Variants in LILRB4 observed in about 807,000 individuals in gnomAD.
The protein encoded by LILRB4 is leukocyte immunoglobulin like receptor B4.
LILRB4 carries 49 observed loss-of-function variants against 55.2 expected under a neutral mutation model. The observed-to-expected ratio is 0.89, with a 90% CI of 0.71 to 1.13. The LOEUF (loss-of-function observed/expected upper bound fraction) is 1.13. LILRB4 is among the 50% of genes most tolerant of loss of function. LILRB4 has a pLI of 0.00. For missense variants in LILRB4, 590 were observed against 555.2 expected, an observed-to-expected ratio of 1.06 and a Z score of -0.63; for synonymous variants, 229 against 213.8, an observed-to-expected ratio of 1.07 and a Z score of -0.62.
chr19:54,665,458 G>A lies in LILRB4; in HGVS notation c.757+278G>A, dbSNP rs1054905319. Among the ~76,000 whole-genome samples, 2 of 152,070 alleles carry A rather than the reference G, an allele frequency of 1.3e-5. No homozygotes were observed. Among genetic ancestry groups the A allele is most frequent in the Non-Finnish European group, 2.9e-5 (2 of 67,996 alleles). ...GTCCGGTCCCACCTGCAGCAGAGAC[G>A]GTGACCTGGGGCAGGGGAGGGGAGC... On this transcript the variant is annotated intron_variant, in intron 6 of 11. Coordinates refer to ENST00000430952, the Ensembl canonical transcript of LILRB4. This position sits in a 1 kb window ranked among gnomAD's most constrained non-coding sequence, Gnocchi z 5.5.
intron 2 of LILRB4, 52 bp from the exon 3 acceptor site, chr19:54,663,702 G>A: frequency 6.2e-7 from 1 of 1,609,720 alleles, no homozygotes; most frequent in South Asian, 1.1e-5. Context: ...CTGAGAGCTG[G>A]GATCTGAGGG....
chr19:54,663,682 G>A (rs548352811), intron 2 of LILRB4, 72 bp from the exon 3 acceptor site: 9 of 1,607,926 alleles, frequency 5.6e-6, no homozygotes, highest in South Asian at 1.1e-5. Context: ...ATGACGGGGG[G>A]GTCCTGGGGC....
At chr19:54,667,851 C>A in intron 11 of LILRB4, 22 bp from the exon 12 acceptor site, 1 of 1,611,516 alleles carries the variant, frequency 6.2e-7, no homozygotes. Context: ...CGTTCCTTCC[C>A]TCTCACTCTC....
rs367833861 is a variant in LILRB4, at chr19:54,665,808, G to A, written c.758-7G>A. Reference sequence around the variant, plus strand: ...TCATCCCCATTCCTGATGTCATCACGCCCAAGGTCTGAGAAGGCACTGGGA... The same window carrying A: ...TCATCCCCATTCCTGATGTCATCACACCCAAGGTCTGAGAAGGCACTGGGA... On this transcript the variant is annotated splice_polypyrimidine_tract_variant and splice_region_variant and intron_variant, in intron 6 of 11. Coordinates refer to ENST00000430952, the Ensembl canonical transcript of LILRB4. This position sits in a 1 kb window ranked among gnomAD's most constrained non-coding sequence, Gnocchi z 5.5. 182 of 1,596,738 alleles carry A rather than the reference G, an allele frequency of 1.1e-4. No individual in the cohort carries two copies. The highest frequency in any genetic ancestry group is 1.5e-4 in the Non-Finnish European group (174 of 1,171,848).
Position 54,663,531 on chromosome 19 carries a change from G to A in LILRB4, c.35-1G>A. 6.2e-7 allele frequency: 1 copy of A among 1,613,138 alleles called. No individual in the cohort carries two copies. Among genetic ancestry groups the A allele is most frequent in the Non-Finnish European group, 8.5e-7 (1 of 1,179,938 alleles). ...ATCCCTCACAGGGAACTCTCTTCCA[G>A]GGCTGAGTCTGGGCCCCAGGACCCA... On this transcript the variant is annotated splice_acceptor_variant, in intron 1 of 11. Coordinates refer to ENST00000430952, the Ensembl canonical transcript of LILRB4. LOFTEE classifies it high-confidence loss of function.
intron 10 of LILRB4, chr19:54,667,187 T>C: frequency 1.8e-6 from 1 of 553,558 alleles, no homozygotes; most frequent in South Asian, 1.5e-5. Flanking sequence ...AAAATGCAAA[T>C]AAATGCATCG....
At position 54,663,897 on chromosome 19, in the gene LILRB4, CAG is replaced by C. The variant is rs2065135075; in HGVS notation, c.216_217del (p.Asn73ProfsTer38). On this transcript the variant is annotated frameshift_variant, in exon 3 of 12. Coordinates refer to ENST00000430952, the Ensembl canonical transcript of LILRB4. LOFTEE classifies it high-confidence loss of function. ...GGAAAGCCCAGCACCCTGGGACAGA[CAG>C]AACCCACTGGAGCCCAAGAACAAGG... is the stretch of plus-strand genomic sequence containing the variant. 23 of 1,614,162 alleles carry C rather than the reference CAG, an allele frequency of 1.4e-5. No individual in the cohort carries two copies. The highest frequency in any genetic ancestry group is 1.9e-5 in the Non-Finnish European group (23 of 1,180,012).
chr19:54,664,837 G>A lies in LILRB4; in HGVS notation c.694G>A (p.Val232Ile), dbSNP rs778903434. 2.7e-5 allele frequency: 43 copies of A among 1,611,410 alleles called. No homozygotes were observed. In the East Asian group the frequency reaches 3.1e-4, roughly 12 times the overall value. Residue 232 changes from valine to isoleucine, a missense_variant, in exon 5 of 12, where the codon GTC (valine) becomes ATC (isoleucine). Val to Ile is a conservative substitution (Grantham distance 29). Transcript: ENST00000430952. ...TCCCAGGCCCTCACCCACAAGGTCC[G>A]TCTCAACAGCTGGTGAGTCTCAGAG...
exon 4 of LILRB4, chr19:54,664,383 G>A (rs775568791): frequency 1.9e-6 from 3 of 1,613,682 alleles, no homozygotes; most frequent in Non-Finnish European, 2.5e-6. Flanking sequence ...CATGAGTCCT[G>A]TGACCTCAGT....
chr19:54,663,100 G>C (rs761890769), intron 1 of LILRB4, 33 bp downstream of exon 1: 2 of 1,595,636 alleles, frequency 1.3e-6, no homozygotes, highest in Non-Finnish European at 1.7e-6. Flanking sequence ...GGAGACCCGA[G>C]TCTTGGAGGA....
exon 3 of LILRB4, chr19:54,663,977 T>C: frequency 6.2e-7 from 1 of 1,614,070 alleles, no homozygotes; most frequent in East Asian, 2.2e-5. Flanking sequence ...GATACCGCTG[T>C]TACTATCGCA....
exon 4 of LILRB4, chr19:54,664,398 G>T (rs11574571): frequency 6.2e-7 from 1 of 1,613,798 alleles, no homozygotes; most frequent in Non-Finnish European, 8.5e-7. Flanking sequence ...CTCAGTGCAC[G>T]GGGGGACCTA....
chr19:54,663,264 G>C (rs989255031), intron 1 of LILRB4, among the ~76,000 whole-genome samples, 197 bp downstream of exon 1: 1 of 151,852 alleles, frequency 6.6e-6, no homozygotes, highest in Admixed American at 6.6e-5. Flanking sequence ...GGCTAACACG[G>C]TGAAACCCTG....
At position 54,666,332 on chromosome 19, in the gene LILRB4, AC is replaced by A. The variant is rs1568646245; in HGVS notation, c.950+19del. 3 of 1,608,642 alleles carry A rather than the reference AC, an allele frequency of 1.9e-6. No individual in the cohort carries two copies. In the South Asian group the frequency reaches 3.3e-5, roughly 18 times the overall value. ...ACAGAGGAGGTAATTCTGCCCAAAG[AC>A]CTCAGACTCCCACCCATCCCAACAG... On this transcript the variant is annotated intron_variant, in intron 8 of 11. Transcript: ENST00000430952. The surrounding 1 kb of genome is among the most constrained non-coding windows in gnomAD (Gnocchi z 4.8).
At chr19:54,667,673 T>C in exon 11 of LILRB4, 1 of 1,610,150 alleles carries the variant, frequency 6.2e-7, no homozygotes. Context: ...CAGTGACGTA[T>C]GCCAAGGTGA....
In LILRB4 at chr19:54,665,921, C is replaced by G; in HGVS notation, c.864C>G (p.His288Gln). The G allele has an allele frequency of 6.2e-7, 1 of 1,613,874 alleles. No homozygotes were observed. The highest frequency in any genetic ancestry group is 8.5e-7 in the Non-Finnish European group (1 of 1,179,970). ...TCCAACACTGGCGTCAGGGAAAACA[C>G]AGGACATTGGGTAAGTAGGAAATTG... Residue 288 changes from histidine to glutamine, a missense_variant, in exon 7 of 12, where the codon CAC (histidine) becomes CAG (glutamine). His to Gln is a conservative substitution (Grantham distance 24). Coordinates refer to ENST00000430952, the Ensembl canonical transcript of LILRB4. This position sits in a 1 kb window ranked among gnomAD's most constrained non-coding sequence, Gnocchi z 5.5.
rs1483561303 is a variant in LILRB4 at position 54,667,290 on chromosome 19, C to T, written c.1042-348C>T. ...GGCCAGTCTGAATGGAAAGGGAGGGCTGTCTGCTCAGCTGTCATCTGAGAA... is the reference window on the plus strand; with the variant it reads ...GGCCAGTCTGAATGGAAAGGGAGGGTTGTCTGCTCAGCTGTCATCTGAGAA... On this transcript the variant is annotated intron_variant, in intron 10 of 11. Coordinates refer to ENST00000430952, the Ensembl canonical transcript of LILRB4. The T allele has an allele frequency of 6.2e-5, 36 of 582,034 alleles. No homozygotes were observed. The Admixed American group carries it at 8.2e-4, about 13-fold the overall frequency. 36.1% of individuals were successfully genotyped at this position (582,034 alleles called of 1,614,324 possible).
chr19:54,664,450 C>T (rs1363651766), exon 4 of LILRB4: 1 of 1,611,688 alleles, frequency 6.2e-7, no homozygotes, highest in African/African-American at 1.3e-5. Context: ...TACCTGCTGT[C>T]ACACCCCAGT....
At position 54,665,937 on chromosome 19, in the gene LILRB4, T is replaced by C. The variant is rs2065243606; in HGVS notation, c.874+6T>C. ...GGGAAAACACAGGACATTGGGTAAGTAGGAAATTGGGGGACCCGTGGGCTG... is the reference window on the plus strand; with the variant it reads ...GGGAAAACACAGGACATTGGGTAAGCAGGAAATTGGGGGACCCGTGGGCTG... On this transcript the variant is annotated splice_donor_region_variant and intron_variant, in intron 7 of 11. Transcript: ENST00000430952. This position sits in a 1 kb window ranked among gnomAD's most constrained non-coding sequence, Gnocchi z 5.5. 1 of 1,613,360 alleles carries C rather than the reference T, an allele frequency of 6.2e-7. No individual in the cohort carries two copies. Among genetic ancestry groups the C allele is most frequent in the Non-Finnish European group, 8.5e-7 (1 of 1,179,838 alleles).
Sources: gnomAD v4.1 joint callset for allele counts (sites outside exome capture counted in the v4.1 genomes callset) on GRCh38, gnomAD v4.1.1 for gene constraint, Gnocchi (gnomAD v3.1) non-coding constraint, MANE v1.5 for transcripts, NCBI Gene and HGNC (gene_info 2026-07-23, HGNC 2026-07-21) for gene names.